Variants in SLC24A2 observed in about 807,000 individuals in gnomAD.
The protein encoded by SLC24A2 is sodium/potassium/calcium exchanger 2.
In SLC24A2, 36 loss-of-function variants were observed where a neutral mutation model predicts 62.0. The ratio of observed to expected loss-of-function variants is 0.58; its 90% CI spans 0.44 to 0.77. SLC24A2 has a LOEUF of 0.77. SLC24A2 is among the 30% of genes least tolerant of loss of function. SLC24A2 has a pLI of 0.00. For missense variants in SLC24A2, 846 were observed against 817.9 expected, an observed-to-expected ratio of 1.03 and a Z score of -0.42; for synonymous variants, 358 against 294.0, an observed-to-expected ratio of 1.22 and a Z score of -2.23.
chr9:19,676,682 T>G (rs1227493575), intron 2 of SLC24A2, among the ~76,000 whole-genome samples: 2 of 152,150 alleles, frequency 1.3e-5, no homozygotes, highest in Non-Finnish European at 2.9e-5. Context: ...AGTGGAGATG[T>G]TTACTATCTG....
the SLC24A2 span, among the ~76,000 whole-genome samples, chr9:19,999,658 C>T: frequency 6.6e-6 from 1 of 152,144 alleles, no homozygotes. Context: ...AGGGTAATTA[C>T]TCATCACGGA....
intron 8 of SLC24A2, among the ~76,000 whole-genome samples, chr9:19,529,296 T>C (rs192115419): frequency 4.6e-5 from 7 of 152,222 alleles, no homozygotes; most frequent in African/African-American, 1.7e-4. Flanking sequence ...CGTTCTGTCA[T>C]GGCTTTTGAG....
the SLC24A2 span, among the ~76,000 whole-genome samples, chr9:20,025,235 C>T: frequency 4.6e-5 from 7 of 152,250 alleles, no homozygotes; most frequent in South Asian, 2.1e-4. Context: ...GAAAACACTA[C>T]GCTAGAATGT....
intron 8 of SLC24A2, among the ~76,000 whole-genome samples, chr9:19,546,021 C>T (rs1834548517): frequency 6.6e-6 from 1 of 152,196 alleles, no homozygotes; most frequent in African/African-American, 2.4e-5. Context: ...GCCTGGATAT[C>T]ACCAGAGGAG....
At chr9:19,872,443 C>G in the SLC24A2 span, among the ~76,000 whole-genome samples, 1 of 152,144 alleles carries the variant, frequency 6.6e-6, no homozygotes, top group East Asian at 1.9e-4. Context: ...GTTGTTGTAC[C>G]AGTGTATGCA....
chr9:20,294,248 T>A, the SLC24A2 span, among the ~76,000 whole-genome samples: 1 of 152,058 alleles, frequency 6.6e-6, no homozygotes, highest in African/African-American at 2.4e-5. Context: ...CTTTCCTGAA[T>A]GCAGAGAAGC....
At chr9:20,174,185 T>A in the SLC24A2 span, among the ~76,000 whole-genome samples, 2 of 152,012 alleles carry the variant, frequency 1.3e-5, no homozygotes, top group Non-Finnish European at 2.9e-5. Context: ...TCTCACCTTA[T>A]ACAAAAATCA....
the SLC24A2 span, among the ~76,000 whole-genome samples, chr9:20,274,294 G>C: frequency 2.6e-5 from 4 of 152,190 alleles, no homozygotes; most frequent in African/African-American, 9.7e-5. Context: ...TAGAGTGATT[G>C]TGGAGGAGAT....
intron 2 of SLC24A2, among the ~76,000 whole-genome samples, chr9:19,684,212 G>C (rs1819809903): frequency 6.6e-6 from 1 of 152,078 alleles, no homozygotes; most frequent in Non-Finnish European, 1.5e-5. Flanking sequence ...GCCTGGGAAA[G>C]AGACAGACAG....
At chr9:19,704,076 C>T (rs1820435441) in intron 2 of SLC24A2, among the ~76,000 whole-genome samples, 1 of 152,036 alleles carries the variant, frequency 6.6e-6, no homozygotes, top group African/African-American at 2.4e-5. Flanking sequence ...GTGCAATCTC[C>T]AAAAAAGATT....
intron 4 of SLC24A2, among the ~76,000 whole-genome samples, chr9:19,612,701 T>C (rs1837212397): frequency 6.6e-6 from 1 of 152,122 alleles, no homozygotes; most frequent in African/African-American, 2.4e-5. Context: ...CATTCACTGC[T>C]CATAGTTCTT....
the SLC24A2 span, among the ~76,000 whole-genome samples, chr9:20,106,925 G>C: frequency 6.6e-6 from 1 of 152,062 alleles, no homozygotes; most frequent in African/African-American, 2.4e-5. Flanking sequence ...GTTTGCAGAC[G>C]ACATGATTGT....
At chr9:20,073,464 T>C in the SLC24A2 span, among the ~76,000 whole-genome samples, 1 of 152,126 alleles carries the variant, frequency 6.6e-6, no homozygotes, top group Admixed American at 6.6e-5. Context: ...ATCACAGATA[T>C]CCCATTCTAT....
intron 7 of SLC24A2, among the ~76,000 whole-genome samples, chr9:19,563,673 T>C (rs1835511489): frequency 6.6e-6 from 1 of 152,196 alleles, no homozygotes; most frequent in Non-Finnish European, 1.5e-5. Context: ...TTCTGATTTT[T>C]ATAATGACCT....
At chr9:19,903,303 C>T in the SLC24A2 span, among the ~76,000 whole-genome samples, 711 of 152,244 alleles carry the variant, frequency 4.7e-3, 10 homozygotes, top group African/African-American at 0.016. Context: ...CTCGTTATAA[C>T]CTCACATGGC....
the SLC24A2 span, among the ~76,000 whole-genome samples, chr9:19,984,697 C>G: frequency 4.8e-4 from 73 of 152,220 alleles, 1 homozygote; most frequent in African/African-American, 1.6e-3. Context: ...TGGAGTGAGG[C>G]TCTGTCTCAA....
At chr9:19,615,994 G>GCGCA (rs940689803) in intron 4 of SLC24A2, among the ~76,000 whole-genome samples, 1 of 140,796 alleles carries the variant, frequency 7.1e-6, no homozygotes, top group African/African-American at 2.7e-5. Context: ...TCACAGGCGT[G>GCGCA]CACACACACA....
chr9:20,119,400 T>C, the SLC24A2 span, among the ~76,000 whole-genome samples: 16,568 of 151,966 alleles, frequency 0.11, 1,643 homozygotes, highest in East Asian at 0.55. Context: ...ATTTAGAAAA[T>C]CAAATCCATC....
At chr9:20,157,249 A>G in the SLC24A2 span, among the ~76,000 whole-genome samples, 2 of 151,692 alleles carry the variant, frequency 1.3e-5, no homozygotes, top group African/African-American at 4.8e-5. Flanking sequence ...TGGAGGATCA[A>G]TAAGAGGGAA....
Sources: gnomAD v4.1 joint callset for allele counts (sites outside exome capture counted in the v4.1 genomes callset) on GRCh38, gnomAD v4.1.1 for gene constraint, MANE v1.5 for transcripts, NCBI Gene and HGNC (gene_info 2026-07-23, HGNC 2026-07-21) for gene names.